The following SHB variants were observed in gnomAD, a reference collection of about 807,000 sequenced individuals.
SHB encodes the protein SH2 domain containing adaptor protein B, also known as SH2 domain-containing adapter protein B.
In SHB, 20 loss-of-function variants were observed where a neutral mutation model predicts 52.3. The observed-to-expected ratio is 0.38, with a 90% CI of 0.27 to 0.56. The LOEUF (loss-of-function observed/expected upper bound fraction) is 0.56, where lower values mean the gene tolerates loss of function less well. Among genes scored for constraint, SHB ranks in the 20% least tolerant of loss-of-function variants. SHB has a pLI of 0.71. For synonymous variants in SHB, 397 were observed against 316.5 expected (o/e 1.25, Z -2.70); for missense variants, 825 against 723.3 (o/e 1.14, Z -1.61).
intron 4 of SHB, among the ~76,000 whole-genome samples, chr9:37,954,126 A>T (rs1203769625): frequency 6.6e-6 from 1 of 152,210 alleles, no homozygotes; most frequent in African/African-American, 2.4e-5. Context: ...GCACAGTTTG[A>T]TCAGAAATAA....
At chr9:37,943,475 A>C (rs1832457240) in intron 5 of SHB, among the ~76,000 whole-genome samples, 1 of 152,190 alleles carries the variant, frequency 6.6e-6, no homozygotes, top group South Asian at 2.1e-4. Context: ...TGATGGAAAC[A>C]GGCCAGACCC....
At chr9:37,981,743 T>A (rs1205163002) in intron 2 of SHB, among the ~76,000 whole-genome samples, 1 of 152,164 alleles carries the variant, frequency 6.6e-6, no homozygotes, top group African/African-American at 2.4e-5. Context: ...GAGGCCATTG[T>A]TGAATTATTA....
intron 2 of SHB, among the ~76,000 whole-genome samples, chr9:38,005,700 C>T (rs1821069176): frequency 6.6e-6 from 1 of 152,210 alleles, no homozygotes; most frequent in African/African-American, 2.4e-5. Context: ...CTGTAAGTTT[C>T]CAGAAAGCCA....
At chr9:38,041,532 A>G (rs1293780266) in intron 1 of SHB, among the ~76,000 whole-genome samples, 2 of 152,148 alleles carry the variant, frequency 1.3e-5, no homozygotes, top group Non-Finnish European at 2.9e-5. Flanking sequence ...TGCCTGCTTC[A>G]GAAATGGGCA....
chr9:38,033,570 C>T (rs991320547), intron 1 of SHB, among the ~76,000 whole-genome samples: 4 of 152,336 alleles, frequency 2.6e-5, no homozygotes, highest in Admixed American at 6.5e-5. Flanking sequence ...CCAATCATTT[C>T]GGAAGGGCTT....
chr9:38,032,490 G>A (rs1821427829), intron 1 of SHB, among the ~76,000 whole-genome samples: 1 of 152,220 alleles, frequency 6.6e-6, no homozygotes, highest in African/African-American at 2.4e-5. Context: ...GCTTGGCTCA[G>A]TTGCGCCAAC....
chr9:38,003,583 C>T (rs1431827685), intron 2 of SHB, among the ~76,000 whole-genome samples: 3 of 152,134 alleles, frequency 2.0e-5, no homozygotes, highest in Non-Finnish European at 4.4e-5. Flanking sequence ...GTTGCAGTGC[C>T]CAGAACAGCA....
intron 5 of SHB, among the ~76,000 whole-genome samples, chr9:37,922,292 G>C (rs1028716425): frequency 1.3e-5 from 2 of 152,240 alleles, no homozygotes; most frequent in Admixed American, 1.3e-4. Flanking sequence ...ATATGAATTT[G>C]TTCTACGGCA....
rs1334515912 is a variant in SHB at position 38,068,979 on chromosome 9, C to T, written c.-334G>A. 2 of 151,676 alleles carry T rather than the reference C, an allele frequency of 1.3e-5. No individual in the cohort carries two copies. Among genetic ancestry groups the T allele is most frequent in the African/African-American group, 4.8e-5 (2 of 41,370 alleles). 9.4% of individuals were successfully genotyped at this position (151,676 alleles called of 1,614,324 possible). ...GCCGCGGACCCTTTGGCCGTACGCCCCTCGCCGTGGATCGCGCTCCTGCCC... is the reference window on the plus strand; with the variant it reads ...GCCGCGGACCCTTTGGCCGTACGCCTCTCGCCGTGGATCGCGCTCCTGCCC... On this transcript the variant is annotated 5_prime_UTR_variant, in exon 1 of 6. Transcript: ENST00000377707.
chr9:37,938,251 C>G (rs1426354299), intron 5 of SHB, among the ~76,000 whole-genome samples: 1 of 152,170 alleles, frequency 6.6e-6, no homozygotes, highest in Non-Finnish European at 1.5e-5. Flanking sequence ...CTGGTGACCT[C>G]CTGGCTGGTA....
At chr9:37,925,647 G>A (rs1832239992) in intron 5 of SHB, among the ~76,000 whole-genome samples, 1 of 152,142 alleles carries the variant, frequency 6.6e-6, no homozygotes, top group Non-Finnish European at 1.5e-5. Flanking sequence ...CCCTACTCAG[G>A]CTCTAAGTGG....
In SHB at chr9:38,068,039, C is replaced by T. The variant is rs778772715; in HGVS notation, c.607G>A (p.Ala203Thr). 3 of 1,507,626 alleles carry T rather than the reference C, an allele frequency of 2.0e-6. No homozygotes were observed. Among genetic ancestry groups the T allele is most frequent in the Non-Finnish European group, 2.6e-6 (3 of 1,135,952 alleles). The allele number at this position is 1,507,626 out of a possible 1,614,324, so 93.4% of individuals were successfully genotyped here. Residue 203 changes from alanine to threonine, a missense_variant, in exon 1 of 6, where the codon GCC (alanine) becomes ACC (threonine). Ala to Thr is a moderately conservative substitution (Grantham distance 58). Transcript: ENST00000377707. The stretch of plus-strand genomic sequence containing the variant: ...CTCCAGGTGCGGCCGCCCGCGCAGG[C>T]GCCCCCCAGGGGGTCCCCGGCCCCA... ...GGGAGDPLGG[A>T]CAGGRTWSPT... is the part of the protein sequence containing the mutation.
chr9:37,939,023 C>T (rs1213003877), intron 5 of SHB, among the ~76,000 whole-genome samples: 1 of 152,180 alleles, frequency 6.6e-6, no homozygotes, highest in Non-Finnish European at 1.5e-5. Context: ...ACTCCTCACT[C>T]CTCCTCCCTC....
At position 37,919,667 on chromosome 9, in the gene SHB, G is replaced by T; in HGVS notation, c.*154C>A. ...CAGGCCTTCTCCAGCCCCCGTAAGT[G>T]GCAACAGCATTCTAGAGACATGCAG... On this transcript the variant is annotated 3_prime_UTR_variant, in exon 6 of 6. Transcript: ENST00000377707. 1.7e-6 allele frequency: 1 copy of T among 586,588 alleles called. No homozygotes were observed. The highest frequency in any genetic ancestry group is 3.0e-6 in the Non-Finnish European group (1 of 332,362). 36.3% of individuals were successfully genotyped at this position (586,588 alleles called of 1,614,324 possible).
chr9:37,925,254 C>T (rs1220616480), intron 5 of SHB, among the ~76,000 whole-genome samples: 1 of 152,234 alleles, frequency 6.6e-6, no homozygotes, highest in Middle Eastern at 3.2e-3. Flanking sequence ...TCGACCTTGT[C>T]CCTGACTGCA....
intron 1 of SHB, among the ~76,000 whole-genome samples, chr9:38,053,821 T>A (rs1427129723): frequency 6.6e-6 from 1 of 152,230 alleles, no homozygotes; most frequent in African/African-American, 2.4e-5. Context: ...AAGCTCTTCC[T>A]AAATGCTAGG....
intron 5 of SHB, among the ~76,000 whole-genome samples, chr9:37,946,304 G>T (rs1832490724): frequency 6.6e-6 from 1 of 152,220 alleles, no homozygotes; most frequent in African/African-American, 2.4e-5. Flanking sequence ...CTAGGGAATG[G>T]CACACCCCAG....
At position 37,948,579 on chromosome 9, in the gene SHB, G is replaced by A. The variant is rs1018318462; in HGVS notation, c.1346+56C>T. The A allele has an allele frequency of 1.6e-5, 26 of 1,595,322 alleles. 1 individual carries two copies. The highest frequency in any genetic ancestry group is 1.9e-4 in the Middle Eastern group (1 of 5,260). On this transcript the variant is annotated intron_variant, in intron 5 of 5. Transcript: ENST00000377707. ...TTTTTCTGCCACAGACACGGTGGCC[G>A]GCTGCGCTCGCAGAGGCTGCCGAGG... is the stretch of plus-strand genomic sequence containing the variant.
At chr9:38,026,835 C>T (rs910795996) in intron 1 of SHB, among the ~76,000 whole-genome samples, 21 of 152,196 alleles carry the variant, frequency 1.4e-4, no homozygotes, top group Admixed American at 3.3e-4. Flanking sequence ...TGGTGTTTAT[C>T]GCTGTTCAGT....
Sources: gnomAD v4.1 joint callset for allele counts (sites outside exome capture counted in the v4.1 genomes callset) on GRCh38, gnomAD v4.1.1 for gene constraint, MANE v1.5 for transcripts, NCBI Gene and HGNC (gene_info 2026-07-23, HGNC 2026-07-21) for gene names.